ESYT1: variants seen among roughly 807,000 people sequenced by gnomAD.
ESYT1 encodes the protein extended synaptotagmin-1.
ESYT1 carries 116 observed loss-of-function variants against 154.2 expected under a neutral mutation model. The observed-to-expected ratio is 0.75, with a 90% CI of 0.65 to 0.88. The LOEUF is 0.88. Ranked by LOEUF, ESYT1 falls within the 40% of genes least tolerant of loss-of-function variation. The probability of loss-of-function intolerance (pLI) is 0.00; values close to 1 mark genes in which losing one functional copy is unlikely to be tolerated. For synonymous variants in ESYT1, 500 were observed against 539.9 expected, an observed-to-expected ratio of 0.93 and a Z score of 1.02; for missense variants, 1,264 against 1,379.3, an observed-to-expected ratio of 0.92 and a Z score of 1.32.
chr12:56,132,104 C>G (rs1207202746), intron 7 of ESYT1, 105 bp from the exon 8 acceptor site: 2 of 1,559,028 alleles, frequency 1.3e-6, no homozygotes, highest in Non-Finnish European at 1.8e-6. Context: ...CACAAAAGGA[C>G]TTTCTTACAG....
intron 15 of ESYT1, among the ~76,000 whole-genome samples, chr12:56,135,718 C>T (rs1430652336): frequency 6.6e-6 from 1 of 150,936 alleles, no homozygotes; most frequent in East Asian, 2.0e-4. Context: ...ATGGTGAAAC[C>T]CTATCTCTAC....
intron 1 of ESYT1, among the ~76,000 whole-genome samples, chr12:56,130,142 ACC>A (rs1870172564): frequency 6.6e-6 from 1 of 152,000 alleles, no homozygotes; most frequent in South Asian, 2.1e-4. Flanking sequence ...CGAACTCCTG[ACC>A]TCGTGATCCG....
At position 56,128,567 on chromosome 12, in the gene ESYT1, T is replaced by G; in HGVS notation, c.248T>G (p.Phe83Cys). 6.2e-7 allele frequency: 1 copy of G among 1,613,908 alleles called. No individual in the cohort carries two copies. ...AVGLSVGFVL[F>C]GLALYLGWRR... ...GGACTCAGCGTGGGTTTCGTGCTCT[T>G]CGGCCTCGCCCTCTACCTGGGCTGG... is the stretch of plus-strand genomic sequence containing the variant. The change falls in exon 1 of 31, where the codon TTC (phenylalanine) becomes TGC (cysteine). Residue 83 changes from phenylalanine (F) to cysteine (C), a missense_variant. By Grantham distance (205) the Phe-to-Cys change is radical (BLOSUM62 -2). Transcript: ENST00000394048.
chr12:56,133,604 G>C lies in ESYT1; in HGVS notation c.1310G>C (p.Gly437Ala), dbSNP rs1446902224. ...SVLDDWFPLQ[G>A]GQGQVHLRLE... is the part of the protein sequence containing the mutation. ...TTCTTCTAGTGGTTCCCTCTACAAG[G>C]TGGGCAAGGCCAAGTTCACTTGAGG... The change falls in exon 12 of 31, where the codon GGT becomes GCT. Residue 437 changes from glycine (G) to alanine (A), a missense_variant. By Grantham distance (60) the Gly-to-Ala change is moderately conservative (BLOSUM62 0). Coordinates refer to ENST00000394048, the MANE Select transcript of ESYT1 (RefSeq NM_015292.3). 1 of 1,614,212 alleles carries C rather than the reference G, an allele frequency of 6.2e-7. No homozygotes were observed. The highest frequency in any genetic ancestry group is 2.2e-5 in the East Asian group (1 of 44,890).
intron 16 of ESYT1, 120 bp downstream of exon 16, chr12:56,137,013 C>A: frequency 3.0e-6 from 4 of 1,355,118 alleles, no homozygotes; most frequent in Non-Finnish European, 4.0e-6. Flanking sequence ...AAGTGCCAAG[C>A]AGGCACAAAA....
chr12:56,142,387 AGTG>A lies in ESYT1; in HGVS notation c.2698_2700del (p.Gly900del), dbSNP rs1565877283. 6.2e-7 allele frequency: 1 copy of A among 1,614,108 alleles called. No homozygotes were observed. Among genetic ancestry groups the A allele is most frequent in the South Asian group, 1.1e-5 (1 of 91,074 alleles). ...CTTGGACCGCTGGTTTACACTCAGC[AGTG>A]GTCAGGGGCAGGTGCTACTGAGAGC... On this transcript the variant is annotated inframe_deletion, in exon 25 of 31. Coordinates refer to ENST00000394048, the MANE Select transcript of ESYT1 (RefSeq NM_015292.3). This position sits in a 1 kb window ranked among gnomAD's most constrained non-coding sequence, Gnocchi z 4.1.
At chr12:56,138,652 G>A (rs1482985852) in intron 22 of ESYT1, 116 bp from the exon 23 acceptor site, 19 of 1,284,776 alleles carry the variant, frequency 1.5e-5, no homozygotes, top group East Asian at 1.4e-4. Flanking sequence ...TCAAGGCCAC[G>A]GGTAGTGGCT....
At chr12:56,136,112 G>C (rs1870442153) in intron 15 of ESYT1, among the ~76,000 whole-genome samples, 1 of 148,358 alleles carries the variant, frequency 6.7e-6, no homozygotes, top group Admixed American at 6.7e-5. Context: ...AATTACATAT[G>C]AATTTGTGGG....
At chr12:56,128,852 C>T in intron 1 of ESYT1, 143 bp downstream of exon 1, 1 of 1,033,096 alleles carries the variant, frequency 9.7e-7, no homozygotes, top group East Asian at 2.6e-5. Context: ...CGCTAGCCGC[C>T]TGCCTGCTGG....
intron 15 of ESYT1, 85 bp downstream of exon 15, chr12:56,134,513 C>A: frequency 1.7e-6 from 2 of 1,159,466 alleles, no homozygotes; most frequent in South Asian, 1.2e-5. Flanking sequence ...CTTCTTTTCC[C>A]TTGATTCCTA....
chr12:56,128,718 C>T lies in ESYT1; in HGVS notation c.390+9C>T. 1.9e-6 allele frequency: 3 copies of T among 1,612,792 alleles called. No individual in the cohort carries two copies. The highest frequency in any genetic ancestry group is 2.5e-6 in the Non-Finnish European group (3 of 1,179,998). On this transcript the variant is annotated intron_variant, in intron 1 of 30. Transcript: ENST00000394048. The stretch of plus-strand genomic sequence containing the variant: ...GAGAGCTACCTGCCTGGGTGAGCGA[C>T]CACCCTCGGTCCTCTGTGCAGCATA...
At position 56,143,908 on chromosome 12, in the gene ESYT1, C is replaced by T. The variant is rs1443572451; in HGVS notation, c.*46C>T. 1.9e-6 allele frequency: 3 copies of T among 1,612,624 alleles called. No homozygotes were observed. Among genetic ancestry groups the T allele is most frequent in the African/African-American group, 2.7e-5 (2 of 74,910 alleles). ...GACTGCTCTGTCTTCCTGCCTTCGT[C>T]TCGCTCCATCACCGCCTCAATGTGA... On this transcript the variant is annotated 3_prime_UTR_variant, in exon 31 of 31. Coordinates refer to ENST00000394048, the MANE Select transcript of ESYT1 (RefSeq NM_015292.3).
chr12:56,136,280 A>G (rs1870449278), intron 15 of ESYT1, among the ~76,000 whole-genome samples: 1 of 152,004 alleles, frequency 6.6e-6, no homozygotes, highest in African/African-American at 2.4e-5. Context: ...GGACTTTCCA[A>G]ATAGTGGGAG....
chr12:56,135,134 G>A (rs943148465), intron 15 of ESYT1, among the ~76,000 whole-genome samples: 1 of 151,134 alleles, frequency 6.6e-6, no homozygotes, highest in African/African-American at 2.4e-5. Context: ...GTGATTTTAT[G>A]GTATGTAAAT....
Position 56,131,105 on chromosome 12 carries a change from G to C in ESYT1, c.633G>C (p.Leu211Phe). ...GQRKEQILLDLNISYVGDVQI... is the reference protein window; with the variant it reads ...GQRKEQILLDFNISYVGDVQI... Reference sequence around the variant, plus strand: ...GAAAAGAGCAGATCCTGCTGGACTTGAACATCAGGTAATACCACTCACCAC... The same window carrying C: ...GAAAAGAGCAGATCCTGCTGGACTTCAACATCAGGTAATACCACTCACCAC... Residue 211 changes from leucine (L) to phenylalanine (F), a missense_variant, in exon 4 of 31, where the codon TTG (leucine) becomes TTC (phenylalanine). By Grantham distance (22) the Leu-to-Phe change is conservative. Transcript: ENST00000394048. 6.2e-7 allele frequency: 1 copy of C among 1,614,078 alleles called. No individual in the cohort carries two copies. Among genetic ancestry groups the C allele is most frequent in the Non-Finnish European group, 8.5e-7 (1 of 1,180,018 alleles).
Position 56,134,349 on chromosome 12 carries a change from A to C in ESYT1, c.1553A>C (p.Tyr518Ser). Reference protein sequence around the residue: ...QDVTQESKAVYSTNCPVWEEA... With the variant: ...QDVTQESKAVSSTNCPVWEEA... ...CCTCCTCTACATCTCCAGGCTGTCT[A>C]CAGTACCAACTGCCCAGTGTGGGAG... is the stretch of plus-strand genomic sequence containing the variant. The change falls in exon 15 of 31, where the codon TAC becomes TCC. Residue 518 changes from tyrosine (Y) to serine (S), a missense_variant. Coordinates refer to ENST00000394048, the MANE Select transcript of ESYT1 (RefSeq NM_015292.3). The C allele has an allele frequency of 6.2e-7, 1 of 1,614,050 alleles. No homozygotes were observed. The highest frequency in any genetic ancestry group is 8.5e-7 in the Non-Finnish European group (1 of 1,179,966).
chr12:56,137,167 G>A, intron 16 of ESYT1, 51 bp from the exon 17 acceptor site: 1 of 1,607,078 alleles, frequency 6.2e-7, no homozygotes, highest in Non-Finnish European at 8.5e-7. Context: ...TGCTTTGCCT[G>A]CTGGTGACGA....
At chr12:56,143,388 G>A (rs1870794967) in intron 29 of ESYT1, 55 bp downstream of exon 29, 2 of 1,577,790 alleles carry the variant, frequency 1.3e-6, no homozygotes, top group South Asian at 2.2e-5. Context: ...CTGGCACCAA[G>A]GTTATAGTCC....
rs1384472535 is a variant in ESYT1 at position 56,133,453 on chromosome 12, C to T, written c.1281C>T (p.Ser427=). The T allele has an allele frequency of 2.5e-6, 4 of 1,614,050 alleles. No individual in the cohort carries two copies. Among genetic ancestry groups the T allele is most frequent in the African/African-American group, 1.3e-5 (1 of 74,892 alleles). Residue 427 remains serine (S), a synonymous_variant, in exon 11 of 31, where the codon AGC becomes AGT. Coordinates refer to ENST00000394048, the MANE Select transcript of ESYT1 (RefSeq NM_015292.3). Reference sequence around the variant, plus strand: ...ATGTAGGGAAGGTGTTACAGGCTAGCGTTCTGGATGATGTAAGTTGGGAGA... The same window carrying T: ...ATGTAGGGAAGGTGTTACAGGCTAGTGTTCTGGATGATGTAAGTTGGGAGA... ...KLDVGKVLQA[S]VLDDWFPLQG... is the part of the protein sequence containing the mutation.
Sources: gnomAD v4.1 joint callset for allele counts (sites outside exome capture counted in the v4.1 genomes callset) on GRCh38, gnomAD v4.1.1 for gene constraint, Gnocchi (gnomAD v3.1) non-coding constraint, MANE v1.5 for transcripts, NCBI Gene and HGNC (gene_info 2026-07-23, HGNC 2026-07-21) for gene names.